The following CLBA1 variants were observed in gnomAD, a reference collection of about 807,000 sequenced individuals.
CLBA1 encodes the protein uncharacterized protein CLBA1.
CLBA1 carries 30 observed loss-of-function variants against 28.8 expected under a neutral mutation model. The observed-to-expected ratio is 1.04, with a 90% CI of 0.78 to 1.41. CLBA1 has a LOEUF of 1.41. Ranked by LOEUF, CLBA1 falls within the 40% of genes most tolerant of loss-of-function variation. The pLI is 0.00. For synonymous variants in CLBA1, 160 were observed against 152.8 expected, an observed-to-expected ratio of 1.05 and a Z score of -0.35; for missense variants, 451 against 412.3, an observed-to-expected ratio of 1.09 and a Z score of -0.81.
At position 104,986,661 on chromosome 14, in the gene CLBA1, C is replaced by CT; in HGVS notation, c.232dup (p.Trp78LeufsTer5). ...CCTGACCCTGGGGAACACAGCAGCACTTGGGGGGAGTTTGAAGGCTTTCGG... is the reference window on the plus strand; with the variant it reads ...CCTGACCCTGGGGAACACAGCAGCACTTTGGGGGGAGTTTGAAGGCTTTCGG... On this transcript the variant is annotated frameshift_variant, in exon 1 of 5. Transcript: ENST00000547315. LOFTEE classifies it high-confidence loss of function. 6.2e-7 allele frequency: 1 copy of CT among 1,614,146 alleles called. No homozygotes were observed. Among genetic ancestry groups the CT allele is most frequent in the East Asian group, 2.2e-5 (1 of 44,884 alleles).
intron 4 of CLBA1, 78 bp from the exon 5 acceptor site, chr14:104,994,517 GGGC>G: frequency 3.3e-6 from 5 of 1,500,354 alleles, no homozygotes; most frequent in South Asian, 1.3e-5. Context: ...GAGAGGCAGG[GGGC>G]GGCCAGGGGC....
At position 104,986,505 on chromosome 14, in the gene CLBA1, G is replaced by A. The variant is rs779420799; in HGVS notation, c.74G>A (p.Arg25Gln). 6.2e-7 allele frequency: 1 copy of A among 1,613,778 alleles called. No individual in the cohort carries two copies. The highest frequency in any genetic ancestry group is 8.5e-7 in the Non-Finnish European group (1 of 1,180,018). ...LQEEAASASL[R>Q]VAPERLSDDS... ...GAGGAAGCAGCCAGCGCTTCCCTCC[G>A]AGTGGCACCTGAGAGGCTGAGTGAT... The change falls in exon 1 of 5, where the codon CGA (arginine) becomes CAA (glutamine). Residue 25 changes from arginine (R) to glutamine (Q), a missense_variant. Coordinates refer to ENST00000547315, the MANE Select transcript of CLBA1 (RefSeq NM_174891.4).
chr14:104,990,118 G>A, intron 2 of CLBA1: 1 of 192,016 alleles, frequency 5.2e-6, no homozygotes, highest in Non-Finnish European at 1.1e-5. Context: ...GTGGGGGTGG[G>A]CTCTGTGCTG....
intron 1 of CLBA1, among the ~76,000 whole-genome samples, chr14:104,988,449 C>T (rs1024710624): frequency 3.3e-5 from 5 of 151,580 alleles, no homozygotes; most frequent in Non-Finnish European, 5.9e-5. Flanking sequence ...AAGCGATTCT[C>T]CTGCCTCAGC....
chr14:104,989,539 C>CGAG (rs1899960321), intron 2 of CLBA1: 1 of 454,438 alleles, frequency 2.2e-6, no homozygotes, highest in African/African-American at 2.0e-5. Flanking sequence ...AGCCCCAGGC[C>CGAG]CAGCCCCAGG....
rs756884266 is a variant in CLBA1 at position 104,991,571 on chromosome 14, G to A, written c.650G>A (p.Arg217His). 29 of 1,613,518 alleles carry A rather than the reference G, an allele frequency of 1.8e-5. No individual in the cohort carries two copies. The highest frequency in any genetic ancestry group is 1.3e-4 in the East Asian group (6 of 44,900). Residue 217 changes from arginine (R) to histidine (H), a missense_variant, in exon 3 of 5, where the codon CGT (arginine) becomes CAT (histidine). Physicochemically the swap from Arg to His is conservative, Grantham distance 29 (BLOSUM62 0). Coordinates refer to ENST00000547315, the MANE Select transcript of CLBA1 (RefSeq NM_174891.4). ...TCTCAGCGCCTCTGGAGCGAGTCCCGTTGCCAGGAGAACTTCTTTCTTGTT... is the reference window on the plus strand; with the variant it reads ...TCTCAGCGCCTCTGGAGCGAGTCCCATTGCCAGGAGAACTTCTTTCTTGTT... ...STSQRLWSES[R>H]CQENFFLVLG...
At position 104,993,058 on chromosome 14, in the gene CLBA1, G is replaced by A. The variant is rs763587137; in HGVS notation, c.810G>A (p.Gln270=). The A allele has an allele frequency of 6.2e-7, 1 of 1,613,466 alleles. No individual in the cohort carries two copies. Among genetic ancestry groups the A allele is most frequent in the Non-Finnish European group, 8.5e-7 (1 of 1,179,756 alleles). ...FCLQHCKALI[Q]TKLSGPPGSK... is the part of the protein sequence containing the mutation. ...TCCAGCATTGCAAAGCCCTGATCCA[G>A]ACCAAGGTGAGTGGTCACCAAGGAG... Residue 270 remains glutamine, a synonymous_variant, in exon 4 of 5, where the codon CAG becomes CAA. Transcript: ENST00000547315.
Position 104,986,510 on chromosome 14 carries a change from G to A in CLBA1, c.79G>A (p.Ala27Thr), listed in dbSNP as rs749264168. 5.0e-6 allele frequency: 8 copies of A among 1,613,710 alleles called. No homozygotes were observed. In the East Asian group the frequency reaches 1.8e-4, roughly 36 times the overall value. ...EEAASASLRV[A>T]PERLSDDSLE... ...AGCAGCCAGCGCTTCCCTCCGAGTGGCACCTGAGAGGCTGAGTGATGACAG... is the reference window on the plus strand; with the variant it reads ...AGCAGCCAGCGCTTCCCTCCGAGTGACACCTGAGAGGCTGAGTGATGACAG... The change falls in exon 1 of 5, where the codon GCA becomes ACA. Residue 27 changes from alanine to threonine, a missense_variant. Physicochemically the swap from Ala to Thr is moderately conservative, Grantham distance 58 (BLOSUM62 0). Transcript: ENST00000547315.
At chr14:104,992,897 G>A (rs1900074454) in intron 3 of CLBA1, 51 bp from the exon 4 acceptor site, 1 of 1,409,238 alleles carries the variant, frequency 7.1e-7, no homozygotes, top group South Asian at 1.2e-5. Context: ...AAAGGAAACA[G>A]GAGACAAAAT....
chr14:104,988,726 A>G (rs1223485701), intron 1 of CLBA1, among the ~76,000 whole-genome samples: 1 of 152,158 alleles, frequency 6.6e-6, no homozygotes, highest in Non-Finnish European at 1.5e-5. Flanking sequence ...TGAAGTTTGA[A>G]TGTTTTGCCC....
intron 1 of CLBA1, among the ~76,000 whole-genome samples, chr14:104,988,565 T>G (rs1278667691): frequency 6.6e-6 from 1 of 152,142 alleles, no homozygotes; most frequent in Non-Finnish European, 1.5e-5. Flanking sequence ...GGTCTCGAAC[T>G]CCTGACCTCG....
Position 104,986,836 on chromosome 14 carries a change from T to C in CLBA1, c.405T>C (p.Ser135=), listed in dbSNP as rs771210389. 4 of 1,613,144 alleles carry C rather than the reference T, an allele frequency of 2.5e-6. No homozygotes were observed. Among genetic ancestry groups the C allele is most frequent in the Non-Finnish European group, 3.4e-6 (4 of 1,179,968 alleles). ...GTGGACCTTGGGTGACAGGAACTTCTGCCGTCCCACCTTCTGAGGTATTTC... is the reference window on the plus strand; with the variant it reads ...GTGGACCTTGGGTGACAGGAACTTCCGCCGTCCCACCTTCTGAGGTATTTC... ...CQGGPWVTGT[S]AVPPSEPILS... is the part of the protein sequence containing the mutation. Residue 135 remains serine, a synonymous_variant, in exon 1 of 5, where the codon TCT becomes TCC. Transcript: ENST00000547315.
downstream of CLBA1, among the ~76,000 whole-genome samples, chr14:105,000,274 T>TTTTC (rs200703427): frequency 3.3e-5 from 5 of 150,810 alleles, no homozygotes; most frequent in South Asian, 4.2e-4. Context: ...AACAGACATT[T>TTTTC]TTTCTTTCTT....
chr14:104,999,984 G>A (rs527565368), downstream of CLBA1, among the ~76,000 whole-genome samples: 2 of 152,298 alleles, frequency 1.3e-5, no homozygotes, highest in South Asian at 4.1e-4. Context: ...AGGAAAAAGG[G>A]ATGGTCCTAA....
At position 104,994,682 on chromosome 14, in the gene CLBA1, C is replaced by G. The variant is rs1181695269; in HGVS notation, c.901C>G (p.His301Asp). 6.2e-7 allele frequency: 1 copy of G among 1,614,066 alleles called. No individual in the cohort carries two copies. The highest frequency in any genetic ancestry group is 1.7e-5 in the Admixed American group (1 of 60,016). ...GACCCCCTCATGCGGAGGTGGCCAGCACATCACTATTCCAAGGAAAAGGAT... is the reference window on the plus strand; with the variant it reads ...GACCCCCTCATGCGGAGGTGGCCAGGACATCACTATTCCAAGGAAAAGGAT... ...LKTPSCGGGQ[H>D]ITIPRKRMFT... Residue 301 changes from histidine (H) to aspartate (D), a missense_variant, in exon 5 of 5, where the codon CAC (histidine) becomes GAC (aspartate). Transcript: ENST00000547315.
intron 3 of CLBA1, 24 bp downstream of exon 3, chr14:104,991,644 G>A (rs1293252272): frequency 1.3e-6 from 2 of 1,588,648 alleles, no homozygotes; most frequent in Non-Finnish European, 8.6e-7. Context: ...GTTGACACAG[G>A]GCTCCTGGGA....
chr14:104,986,046 G>T lies in CLBA1; in HGVS notation c.-386G>T. The T allele has an allele frequency of 3.9e-6, 1 of 253,682 alleles. No individual in the cohort carries two copies. Among genetic ancestry groups the T allele is most frequent in the Non-Finnish European group, 7.8e-6 (1 of 128,550 alleles). The allele number at this position is 253,682 out of a possible 1,614,324, so 15.7% of individuals were successfully genotyped here. A position where few individuals can be genotyped will look rare whatever the true frequency, so the allele number is the denominator to read the frequency against. On this transcript the variant is annotated 5_prime_UTR_variant, in exon 1 of 5. Transcript: ENST00000547315. Reference sequence around the variant, plus strand: ...TCCTTCCCACTTGGGACTCCCGCGGGCGCCCGGCTCTCGCTCCTCTGGCCA... The same window carrying T: ...TCCTTCCCACTTGGGACTCCCGCGGTCGCCCGGCTCTCGCTCCTCTGGCCA...
chr14:104,994,329 G>A (rs1900115126), intron 4 of CLBA1: 2 of 985,442 alleles, frequency 2.0e-6, no homozygotes, highest in Non-Finnish European at 1.2e-6. Flanking sequence ...GTAGCACAAG[G>A]GCCAGAGACC....
At chr14:104,991,715 C>T (rs1372416280) in intron 3 of CLBA1, 95 bp downstream of exon 3, 49 of 1,452,616 alleles carry the variant, frequency 3.4e-5, no homozygotes, top group Non-Finnish European at 4.5e-5. Flanking sequence ...TGGGTGCAGG[C>T]AGAGGTGTGG....
Sources: allele counts gnomAD v4.1 joint callset (sites outside exome capture counted in the v4.1 genomes callset), GRCh38; gene constraint gnomAD v4.1.1; transcripts MANE v1.5; gene names NCBI Gene and HGNC (gene_info 2026-07-23, HGNC 2026-07-21).